The following IL1RAPL1 variants were observed in gnomAD, a reference collection of about 807,000 sequenced individuals.
The protein encoded by IL1RAPL1 is interleukin 1 receptor accessory protein like 1.
Under a neutral mutation model 48.4 loss-of-function variants are expected in IL1RAPL1, and 3 were observed. The observed-to-expected ratio is 0.06, with a 90% CI of 0.03 to 0.16. The LOEUF is 0.16. Among genes scored for constraint, IL1RAPL1 ranks in the 10% least tolerant of loss-of-function variants. IL1RAPL1 has a pLI of 1.00. For missense variants in IL1RAPL1, 349 were observed against 530.6 expected (o/e 0.66, Z 3.36); for synonymous variants, 185 against 187.7 (o/e 0.99, Z 0.12).
intron 5 of IL1RAPL1, among the ~76,000 whole-genome samples, chrX:29,457,272 A>G (rs4625196): frequency 0.042 from 4,506 of 107,620 alleles, 257 homozygotes; most frequent in African/African-American, 0.15. Context: ...TACATACACA[A>G]GTTTGTTACA....
At chrX:28,655,191 A>G (rs988324766) in intron 1 of IL1RAPL1, among the ~76,000 whole-genome samples, 1 of 111,681 alleles carries the variant, frequency 9.0e-6, no homozygotes, top group Non-Finnish European at 1.9e-5. Context: ...AGAGCTGATG[A>G]AACCAGGGAA....
intron 2 of IL1RAPL1, among the ~76,000 whole-genome samples, chrX:29,189,629 CAAG>C (rs1051077560): frequency 3.6e-5 from 4 of 111,050 alleles, no homozygotes; most frequent in Admixed American, 1.9e-4. Context: ...ATGAAAAGAA[CAAG>C]AAGAAGAGGG....
intron 1 of IL1RAPL1, among the ~76,000 whole-genome samples, chrX:28,656,870 C>CA (rs1934754043): frequency 9.2e-6 from 1 of 108,397 alleles, no homozygotes; most frequent in African/African-American, 3.4e-5. Flanking sequence ...ACTAAAAATA[C>CA]AAAAAATTAG....
intron 5 of IL1RAPL1, among the ~76,000 whole-genome samples, chrX:29,652,163 A>C (rs1468351235): frequency 1.8e-5 from 2 of 112,036 alleles, no homozygotes; most frequent in Non-Finnish European, 3.8e-5. Context: ...CAAATCAAAA[A>C]ATTTTTTTGG....
At chrX:28,887,498 C>T (rs1415456855) in intron 2 of IL1RAPL1, among the ~76,000 whole-genome samples, 2 of 112,171 alleles carry the variant, frequency 1.8e-5, no homozygotes, top group East Asian at 2.8e-4. Flanking sequence ...GCCAAAGCAG[C>T]GAAATCCCCT....
chrX:29,416,844 C>T (rs1934223816), intron 5 of IL1RAPL1, among the ~76,000 whole-genome samples: 1 of 111,105 alleles, frequency 9.0e-6, no homozygotes, highest in Non-Finnish European at 1.9e-5. Flanking sequence ...ATGACAGAAA[C>T]CCATTTGAGG....
chrX:29,320,714 C>T (rs1417141346), intron 3 of IL1RAPL1, among the ~76,000 whole-genome samples: 1 of 109,399 alleles, frequency 9.1e-6, no homozygotes, highest in Non-Finnish European at 1.9e-5. Context: ...TGCAGTGAGT[C>T]GAGATCATGC....
intron 2 of IL1RAPL1, among the ~76,000 whole-genome samples, chrX:28,879,082 C>T (rs1170368900): frequency 9.0e-6 from 1 of 111,661 alleles, no homozygotes; most frequent in East Asian, 2.8e-4. Context: ...ATAACAAAGT[C>T]ATTAACATTT....
At chrX:29,258,534 A>T (rs968418303) in intron 2 of IL1RAPL1, among the ~76,000 whole-genome samples, 1 of 111,328 alleles carries the variant, frequency 9.0e-6, no homozygotes, top group Non-Finnish European at 1.9e-5. Context: ...GATTTTCACC[A>T]ATCAGGGATC....
At chrX:29,014,291 A>G (rs1040437256) in intron 2 of IL1RAPL1, among the ~76,000 whole-genome samples, 2 of 112,375 alleles carry the variant, frequency 1.8e-5, no homozygotes, top group Admixed American at 9.4e-5. Context: ...AGTAAACTAA[A>G]TGGTATCATT....
intron 3 of IL1RAPL1, among the ~76,000 whole-genome samples, chrX:29,318,204 T>C (rs1015817398): frequency 8.9e-6 from 1 of 112,346 alleles, no homozygotes; most frequent in Non-Finnish European, 1.9e-5. Flanking sequence ...GACTTTTATG[T>C]GCCAAGATAA....
At chrX:29,538,807 T>G (rs1921331493) in intron 5 of IL1RAPL1, among the ~76,000 whole-genome samples, 1 of 111,308 alleles carries the variant, frequency 9.0e-6, no homozygotes, top group Non-Finnish European at 1.9e-5. Flanking sequence ...ACATAAAAGA[T>G]TATAAATTAA....
intron 1 of IL1RAPL1, among the ~76,000 whole-genome samples, chrX:28,788,450 GT>G (rs1186343781): frequency 9.0e-6 from 1 of 110,825 alleles, no homozygotes; most frequent in Non-Finnish European, 1.9e-5. Context: ...TTTTTGGGTA[GT>G]TTCGTTGAGT....
chrX:28,670,333 C>T (rs1374157234), intron 1 of IL1RAPL1, among the ~76,000 whole-genome samples: 1 of 111,764 alleles, frequency 8.9e-6, no homozygotes, highest in African/African-American at 3.3e-5. Context: ...CCAGAATAGA[C>T]GTTGGTTGAG....
chrX:29,137,967 A>G (rs1225526857), intron 2 of IL1RAPL1, among the ~76,000 whole-genome samples: 1 of 112,980 alleles, frequency 8.9e-6, no homozygotes, highest in Non-Finnish European at 1.9e-5. Context: ...CAAGAACACT[A>G]TAAAGCAACT....
At chrX:29,351,034 A>C (rs1374064088) in intron 3 of IL1RAPL1, among the ~76,000 whole-genome samples, 1 of 111,434 alleles carries the variant, frequency 9.0e-6, no homozygotes, top group Middle Eastern at 4.7e-3. Flanking sequence ...TCTCAAATTG[A>C]TCATGTTTAT....
intron 5 of IL1RAPL1, among the ~76,000 whole-genome samples, chrX:29,481,815 A>G (rs1168313905): frequency 8.9e-6 from 1 of 111,996 alleles, no homozygotes. Flanking sequence ...TTATCACATC[A>G]TGGCCTCTAA....
intron 2 of IL1RAPL1, among the ~76,000 whole-genome samples, chrX:29,041,978 C>T (rs893774333): frequency 1.8e-5 from 2 of 111,433 alleles, no homozygotes; most frequent in African/African-American, 3.3e-5. Context: ...AATATGAGCC[C>T]GAGTTTACAA....
chrX:29,813,556 T>A (rs1023581088), intron 6 of IL1RAPL1, among the ~76,000 whole-genome samples: 1 of 111,920 alleles, frequency 8.9e-6, no homozygotes, highest in Non-Finnish European at 1.9e-5. Context: ...TAATGCTGGC[T>A]GCTTTCATTT....
Sources: gnomAD v4.1 joint callset for allele counts (sites outside exome capture counted in the v4.1 genomes callset) on GRCh38, gnomAD v4.1.1 for gene constraint, MANE v1.5 for transcripts, NCBI Gene and HGNC (gene_info 2026-07-23, HGNC 2026-07-21) for gene names.